Variants in LY75 observed in about 807,000 individuals in gnomAD.
LY75 encodes C-type lectin domain family 13 member B.
In LY75, 185 loss-of-function variants were observed where a neutral mutation model predicts 231.7. The ratio of observed to expected loss-of-function variants is 0.80; its 90% CI spans 0.71 to 0.90. The LOEUF (loss-of-function observed/expected upper bound fraction) is 0.90. Ranked by LOEUF, LY75 falls within the 40% of genes least tolerant of loss-of-function variation. LY75 has a pLI of 0.00. For synonymous variants in LY75, 668 were observed against 689.0 expected (o/e 0.97, Z 0.48); for missense variants, 1,947 against 2,050.2 (o/e 0.95, Z 0.97).
At position 159,840,878 on chromosome 2, in the gene LY75, T is replaced by C. The variant is rs749934126; in HGVS notation, c.3358A>G (p.Lys1120Glu). ...YLNNLYKIIP[K>E]TLTWHSAKRE... ...TTAGCACTGTGCCAAGTCAGAGTCT[T>C]TGGGATTATTTTGTACAGATTATTT... is the stretch of plus-strand genomic sequence containing the variant. The change falls in exon 25 of 35, where the codon AAG becomes GAG. Residue 1120 changes from lysine to glutamate, a missense_variant. Lys to Glu is a moderately conservative substitution (Grantham distance 56). Transcript: ENST00000263636. 1 of 1,614,064 alleles carries C rather than the reference T, an allele frequency of 6.2e-7. No individual in the cohort carries two copies. Among genetic ancestry groups the C allele is most frequent in the Non-Finnish European group, 8.5e-7 (1 of 1,179,972 alleles).
rs1338502441 is a variant in LY75, at chr2:159,834,232, A to T, written c.3674-21T>A. On this transcript the variant is annotated intron_variant, in intron 26 of 34. Coordinates refer to ENST00000263636, the MANE Select transcript of LY75 (RefSeq NM_002349.4). ...CTCATCTAGAAAAAGAGTTAATGGT[A>T]AGAATTCTAATTTGAGATATAAATG... 1.9e-6 allele frequency: 3 copies of T among 1,611,648 alleles called. No homozygotes were observed. In the Admixed American group the frequency reaches 5.0e-5, roughly 27 times the overall value.
chr2:159,854,894 C>A lies in LY75; in HGVS notation c.2419+10G>T, dbSNP rs1684505102. On this transcript the variant is annotated intron_variant, in intron 17 of 34. Transcript: ENST00000263636. ...GCAGCTTTGGTTAAATTTCAGTTTT[C>A]TTAACTCACCTGGATTGTACCAGTC... 6 of 1,613,364 alleles carry A rather than the reference C, an allele frequency of 3.7e-6. No individual in the cohort carries two copies. Among genetic ancestry groups the A allele is most frequent in the Non-Finnish European group, 5.1e-6 (6 of 1,179,714 alleles).
At chr2:159,847,202 C>T (rs13015004) in intron 23 of LY75, among the ~76,000 whole-genome samples, 21,217 of 152,056 alleles carry the variant, frequency 0.14, 1,715 homozygotes, top group South Asian at 0.28. Flanking sequence ...TTAGTAGAGA[C>T]GGGGTTTCAC....
rs1367989252 is a variant in LY75 at position 159,803,793 on chromosome 2, T to C, written c.*1251A>G. ...ACATTTGTTAGTAGTCATCACAAGG[T>C]TTAGAGTTCCACTGAAAAAGTCTCA... On this transcript the variant is annotated 3_prime_UTR_variant, in exon 35 of 35. Transcript: ENST00000263636. 3.3e-5 allele frequency: 5 copies of C among 152,218 alleles called. No individual in the cohort carries two copies. The highest frequency in any genetic ancestry group is 5.9e-5 in the Non-Finnish European group (4 of 68,026). 9.4% of individuals were successfully genotyped at this position (152,218 alleles called of 1,614,324 possible). A position where few individuals can be genotyped will look rare whatever the true frequency, so the allele number is the denominator to read the frequency against.
intron 33 of LY75, 27 bp downstream of exon 33, chr2:159,808,422 C>T: frequency 2.5e-6 from 4 of 1,613,424 alleles, no homozygotes; most frequent in Non-Finnish European, 3.4e-6. Context: ...TCTCTTTGCA[C>T]ACTACACATA....
At position 159,878,634 on chromosome 2, in the gene LY75, T is replaced by C. The variant is rs369242662; in HGVS notation, c.1603A>G (p.Arg535Gly). The C allele has an allele frequency of 2.2e-5, 35 of 1,613,926 alleles. No individual in the cohort carries two copies. The highest frequency in any genetic ancestry group is 2.9e-5 in the Non-Finnish European group (34 of 1,179,970). ...GTACAAGTTTACTGATGGTCACACCTGCTAGTGATAGTCAGATTGCAGTTT... is the reference window on the plus strand; with the variant it reads ...GTACAAGTTTACTGATGGTCACACCCGCTAGTGATAGTCAGATTGCAGTTT... ...GTNCNLTITS[R>G]FEQEYLNDLM... The change falls in exon 10 of 35, where the codon AGA (arginine) becomes GGA (glycine). Residue 535 changes from arginine (R) to glycine (G), a missense_variant and splice_region_variant. Physicochemically the swap from Arg to Gly is moderately radical, Grantham distance 125. Transcript: ENST00000263636.
At chr2:159,878,744 T>A (rs1685348106) in intron 9 of LY75, 23 bp from the exon 10 acceptor site, 2 of 1,612,378 alleles carry the variant, frequency 1.2e-6, no homozygotes, top group African/African-American at 2.7e-5. Flanking sequence ...AAAAATATTG[T>A]CAAACTCTTT....
Position 159,840,824 on chromosome 2 carries a change from GC to G in LY75, c.3411del (p.Gln1137HisfsTer3). On this transcript the variant is annotated frameshift_variant, in exon 25 of 35. Transcript: ENST00000263636. LOFTEE classifies it high-confidence loss of function. ...TGGTAAGGGTCCGTGATGCTCACCA[GC>G]TGCATGTTACTTTTCAGACACTCCC... ...AKRECLKSNM[Q>X]LVSITDPYQQ... 1 of 1,614,126 alleles carries G rather than the reference GC, an allele frequency of 6.2e-7. No individual in the cohort carries two copies. Among genetic ancestry groups the G allele is most frequent in the Non-Finnish European group, 8.5e-7 (1 of 1,179,998 alleles).
chr2:159,807,374 G>C (rs1682822205), intron 33 of LY75, among the ~76,000 whole-genome samples: 2 of 152,236 alleles, frequency 1.3e-5, no homozygotes, highest in African/African-American at 2.4e-5. Flanking sequence ...TGCAGATATA[G>C]AACATTTCTG....
chr2:159,878,229 C>T (rs1685329849), intron 11 of LY75, 95 bp downstream of exon 11: 9 of 1,494,770 alleles, frequency 6.0e-6, no homozygotes, highest in East Asian at 2.3e-5. Context: ...CATCATGTCC[C>T]TCACATTTCA....
intron 25 of LY75, 47 bp downstream of exon 25, chr2:159,840,682 T>C: frequency 6.2e-7 from 1 of 1,612,114 alleles, no homozygotes; most frequent in Non-Finnish European, 8.5e-7. Context: ...CAATAAAAAA[T>C]GTCGCTTTCC....
At chr2:159,890,432 A>T (rs935204543) in intron 3 of LY75, 55 bp from the exon 4 acceptor site, 1 of 1,602,322 alleles carries the variant, frequency 6.2e-7, no homozygotes. Context: ...GTTTTCTATT[A>T]CTTAGAATGC....
At chr2:159,835,386 C>T in intron 26 of LY75, 94 bp downstream of exon 26, 1 of 1,355,494 alleles carries the variant, frequency 7.4e-7, no homozygotes, top group Non-Finnish European at 9.6e-7. Context: ...CTTCACAATT[C>T]CAAAACCAGA....
At position 159,834,192 on chromosome 2, in the gene LY75, G is replaced by T; in HGVS notation, c.3693C>A (p.Val1231=). The stretch of plus-strand genomic sequence containing the variant: ...GACATTTAACACTGTCAACTGGTTT[G>T]ACCTCTTTTTCAGTCTCATCTAGAA... ...YYSGNETEKE[V]KPVDSVKCPS... is the part of the protein sequence containing the mutation. Residue 1231 remains valine (V), a synonymous_variant, in exon 27 of 35, where the codon GTC becomes GTA. Transcript: ENST00000263636. 2 of 1,613,686 alleles carry T rather than the reference G, an allele frequency of 1.2e-6. No individual in the cohort carries two copies. The highest frequency in any genetic ancestry group is 2.2e-5 in the South Asian group (2 of 90,986).
chr2:159,808,495 A>T lies in LY75; in HGVS notation c.4776T>A (p.Asn1592Lys), dbSNP rs1417244767. The T allele has an allele frequency of 4.3e-6, 7 of 1,613,796 alleles. No homozygotes were observed. The highest frequency in any genetic ancestry group is 5.9e-6 in the Non-Finnish European group (7 of 1,179,968). Residue 1592 changes from asparagine (N) to lysine (K), a missense_variant, in exon 33 of 35, where the codon AAT (asparagine) becomes AAA (lysine). Coordinates refer to ENST00000263636, the MANE Select transcript of LY75 (RefSeq NM_002349.4). ...KFVSRLMREN[N>K]NITMRVWLGL... ...CAAGCCAAACTCTCATGGTAATGTT[A>T]TTATTTTCCCTCATCAGTCTGCTCA... is the stretch of plus-strand genomic sequence containing the variant.
intron 1 of LY75, 56 bp from the exon 2 acceptor site, chr2:159,899,115 T>G: frequency 6.4e-7 from 1 of 1,568,138 alleles, no homozygotes; most frequent in South Asian, 1.2e-5. Flanking sequence ...CCTTGCTCCC[T>G]GCCTGCTGAG....
At chr2:159,884,386 T>C (rs1404172962) in intron 6 of LY75, among the ~76,000 whole-genome samples, 3 of 152,160 alleles carry the variant, frequency 2.0e-5, no homozygotes, top group African/African-American at 4.8e-5. Flanking sequence ...TGACAGTCAA[T>C]ACACTCCTCT....
intron 23 of LY75, 136 bp from the exon 24 acceptor site, chr2:159,842,510 T>C: frequency 2.6e-6 from 3 of 1,144,686 alleles, no homozygotes. Context: ...TGACATTTCC[T>C]AGAAAATCTT....
rs762190341 is a variant in LY75, at chr2:159,854,483, C to G, written c.2472G>C (p.Trp824Cys). The G allele has an allele frequency of 1.9e-6, 3 of 1,613,392 alleles. No homozygotes were observed. In the East Asian group the frequency reaches 6.7e-5, roughly 36 times the overall value. The change falls in exon 18 of 35, where the codon TGG (tryptophan) becomes TGC (cysteine). Residue 824 changes from tryptophan to cysteine, a missense_variant. Transcript: ENST00000263636. ...PPLIIEGSEY[W>C]FVADLHLNYE... ...AGTTTAGGTGAAGATCAGCAACAAA[C>G]CAATATTCACTTCCTTCAATTATAA...
Sources: gnomAD v4.1 joint callset for allele counts (sites outside exome capture counted in the v4.1 genomes callset) on GRCh38, gnomAD v4.1.1 for gene constraint, MANE v1.5 for transcripts, NCBI Gene and HGNC (gene_info 2026-07-23, HGNC 2026-07-21) for gene names.